TRIM2: variants seen among roughly 807,000 people sequenced by gnomAD.
The protein encoded by TRIM2 is tripartite motif-containing protein 2.
TRIM2 carries 20 observed loss-of-function variants against 75.2 expected under a neutral mutation model. The observed-to-expected ratio is 0.27, with a 90% CI of 0.19 to 0.39. The LOEUF is 0.39. Among genes scored for constraint, TRIM2 ranks in the 10% least tolerant of loss-of-function variants. The pLI, the probability that TRIM2 is intolerant of heterozygous loss-of-function variation, is 1.00. For missense variants in TRIM2, 660 were observed against 990.8 expected, an observed-to-expected ratio of 0.67 and a Z score of 4.48; for synonymous variants, 373 against 388.3, an observed-to-expected ratio of 0.96 and a Z score of 0.46.
chr4:153,201,344 T>C (rs1225869834), upstream of TRIM2, among the ~76,000 whole-genome samples: 4 of 152,206 alleles, frequency 2.6e-5, no homozygotes, highest in Non-Finnish European at 5.9e-5. Flanking sequence ...TTATGTATTA[T>C]TCTTAGAGAA....
chr4:153,330,226 T>C (rs563256732), intron 11 of TRIM2, among the ~76,000 whole-genome samples: 52 of 152,352 alleles, frequency 3.4e-4, no homozygotes, highest in African/African-American at 1.1e-3. Context: ...ATGGAATTCT[T>C]CCAAATGTTT....
intron 2 of TRIM2, among the ~76,000 whole-genome samples, chr4:153,274,746 A>G (rs1401179997): frequency 6.6e-6 from 1 of 152,176 alleles, no homozygotes; most frequent in Non-Finnish European, 1.5e-5. Flanking sequence ...GGGAAGAGAA[A>G]TTTTTCAATA....
intron 1 of TRIM2, among the ~76,000 whole-genome samples, chr4:153,218,153 G>A (rs1398834258): frequency 6.6e-6 from 1 of 152,142 alleles, no homozygotes; most frequent in Non-Finnish European, 1.5e-5. Flanking sequence ...CTATTCAATT[G>A]TAAATATTTA....
intron 1 of TRIM2, among the ~76,000 whole-genome samples, chr4:153,250,995 C>A (rs1750730701): frequency 6.6e-6 from 1 of 152,188 alleles, no homozygotes; most frequent in African/African-American, 2.4e-5. Context: ...CATCTGAAGG[C>A]CAGGCCACTT....
At chr4:153,196,002 G>T (rs563339660) in intron 1 of TRIM2, among the ~76,000 whole-genome samples, 23 of 152,214 alleles carry the variant, frequency 1.5e-4, no homozygotes, top group African/African-American at 5.5e-4. Context: ...TAAAGACGGG[G>T]GTTTGCCATG....
At chr4:153,321,224 T>C (rs1201973855) in intron 8 of TRIM2, among the ~76,000 whole-genome samples, 1 of 152,246 alleles carries the variant, frequency 6.6e-6, no homozygotes, top group Non-Finnish European at 1.5e-5. Context: ...GCAATGTGAC[T>C]GAGACATACT....
intron 3 of TRIM2, among the ~76,000 whole-genome samples, chr4:153,288,906 A>G (rs948389331): frequency 3.0e-4 from 45 of 150,780 alleles, no homozygotes; most frequent in African/African-American, 1.1e-3. Flanking sequence ...ATATTTTTTA[A>G]CCCTACAATA....
In TRIM2 at chr4:153,204,505, T is replaced by C. The variant is rs939431902; in HGVS notation, c.-26T>C. On this transcript the variant is annotated 5_prime_UTR_variant, in exon 1 of 12. Transcript: ENST00000338700. The stretch of plus-strand genomic sequence containing the variant: ...GGCTGCGGGGAGCTAAGTCCCCAGA[T>C]TGGAGGAGGCTGGCTCTGGTCTTCG... 3 of 1,551,620 alleles carry C rather than the reference T, an allele frequency of 1.9e-6. No individual in the cohort carries two copies. The highest frequency in any genetic ancestry group is 1.4e-5 in the African/African-American group (1 of 73,158).
chr4:153,210,734 C>T (rs76429064), intron 1 of TRIM2, among the ~76,000 whole-genome samples: 3 of 152,298 alleles, frequency 2.0e-5, no homozygotes, highest in Non-Finnish European at 4.4e-5. Flanking sequence ...GTGAGGCTAG[C>T]TCTTGTGTTT....
chr4:153,270,411 C>T lies in TRIM2; in HGVS notation c.107C>T (p.Pro36Leu). 1.2e-6 allele frequency: 2 copies of T among 1,614,008 alleles called. No homozygotes were observed. Among genetic ancestry groups the T allele is most frequent in the Non-Finnish European group, 1.7e-6 (2 of 1,179,972 alleles). ...SRMASEGTNI[P>L]SPVVRQIDKQ... ...ATGGCCAGTGAAGGCACCAACATCCCAAGTCCTGTGGTGCGCCAGATTGAC... is the reference window on the plus strand; with the variant it reads ...ATGGCCAGTGAAGGCACCAACATCCTAAGTCCTGTGGTGCGCCAGATTGAC... The change falls in exon 2 of 12, where the codon CCA becomes CTA. Residue 36 changes from proline (P) to leucine (L), a missense_variant. Pro to Leu is a moderately conservative substitution (Grantham distance 98). Around this residue, in one of 2 missense-constraint regions of TRIM2, gnomAD observed 620 missense variants for 891.0 expected, o/e 0.70. Transcript: ENST00000338700.
intron 1 of TRIM2, among the ~76,000 whole-genome samples, chr4:153,241,009 G>A (rs1170647544): frequency 6.6e-6 from 1 of 152,146 alleles, no homozygotes; most frequent in East Asian, 1.9e-4. Context: ...CCTGGGAGGC[G>A]GAGGTTGCAG....
At chr4:153,292,870 A>AT (rs1762092786) in intron 3 of TRIM2, 112 bp from the exon 4 acceptor site, 2 of 1,084,682 alleles carry the variant, frequency 1.8e-6, no homozygotes, top group Admixed American at 6.1e-5. Flanking sequence ...TAATGCTGAC[A>AT]TTCTGGGGTG....
chr4:153,315,874 C>T lies in TRIM2; in HGVS notation c.1657C>T (p.Arg553Trp), dbSNP rs752088642. 3.7e-6 allele frequency: 6 copies of T among 1,613,986 alleles called. No individual in the cohort carries two copies. Among genetic ancestry groups the T allele is most frequent in the Non-Finnish European group, 4.2e-6 (5 of 1,180,030 alleles). ...CCAGTTCAAAAGTCGTTTTGGCATA[C>T]GGGGACGCTCTCCGGGGCAGCTGCA... ...DGQFKSRFGI[R>W]GRSPGQLQRP... The change falls in exon 8 of 12, where the codon CGG (arginine) becomes TGG (tryptophan). Residue 553 changes from arginine to tryptophan, a missense_variant. By Grantham distance (101) the Arg-to-Trp change is moderately radical. This residue lies in a region of TRIM2 where 620 missense variants were observed against 891.0 expected (regional missense o/e 0.70). Transcript: ENST00000338700.
intron 6 of TRIM2, among the ~76,000 whole-genome samples, chr4:153,298,999 A>C (rs1286796093): frequency 6.6e-6 from 1 of 152,100 alleles, no homozygotes; most frequent in Non-Finnish European, 1.5e-5. Context: ...TCAGCCTCCC[A>C]AAGTGCTGGG....
intron 3 of TRIM2, among the ~76,000 whole-genome samples, chr4:153,285,519 G>C (rs917856348): frequency 1.3e-5 from 2 of 152,062 alleles, no homozygotes; most frequent in African/African-American, 4.8e-5. Context: ...AAAAAATAGA[G>C]ATAGGTCTCA....
chr4:153,307,729 C>T lies in TRIM2; in HGVS notation c.1511-7756C>T. On this transcript the variant is annotated intron_variant, in intron 6 of 11. Coordinates refer to ENST00000338700, the MANE Select transcript of TRIM2 (RefSeq NM_015271.5). ...ACCTGTTAGCTGGAAGCATGGGGAG[C>T]ACCATTTCTGGACGCTCGTGCTGTG... The T allele has an allele frequency of 3.3e-6, 2 of 609,734 alleles. 1 individual carries two copies. The highest frequency in any genetic ancestry group is 3.2e-5 in the South Asian group (2 of 62,672). The allele number at this position is 609,734 out of a possible 1,614,324, so 37.8% of individuals were successfully genotyped here.
At chr4:153,270,864 A>T (rs896754390) in intron 2 of TRIM2, among the ~76,000 whole-genome samples, 2 of 152,196 alleles carry the variant, frequency 1.3e-5, no homozygotes, top group African/African-American at 4.8e-5. Context: ...AGAGTCAATT[A>T]AAAAAATCTA....
At chr4:153,155,117 G>A (rs1316542898) in intron 1 of TRIM2, among the ~76,000 whole-genome samples, 2 of 152,100 alleles carry the variant, frequency 1.3e-5, no homozygotes, top group Admixed American at 1.3e-4. Flanking sequence ...TCCAGCCTGG[G>A]CAACAGGGTG....
intron 1 of TRIM2, among the ~76,000 whole-genome samples, chr4:153,230,012 G>A (rs1209536222): frequency 1.3e-5 from 2 of 152,280 alleles, no homozygotes; most frequent in East Asian, 3.9e-4. Flanking sequence ...GGGGGCCGAG[G>A]GGGACAGGAG....
Sources: allele counts gnomAD v4.1 joint callset (sites outside exome capture counted in the v4.1 genomes callset), GRCh38; gene constraint gnomAD v4.1.1; regional missense constraint gnomAD v4.1.1; transcripts MANE v1.5; gene names NCBI Gene and HGNC (gene_info 2026-07-23, HGNC 2026-07-21).